THSD4: variants seen among roughly 807,000 people sequenced by gnomAD.
The protein encoded by THSD4 is thrombospondin type-1 domain-containing protein 4.
A neutral mutation model predicts 119.0 loss-of-function variants in THSD4; 69 were observed. The observed-to-expected ratio is 0.58, with a 90% confidence interval of 0.48 to 0.71. The LOEUF (loss-of-function observed/expected upper bound fraction) is 0.71. THSD4 is among the 30% of genes least tolerant of loss of function. The pLI, the probability that THSD4 is intolerant of heterozygous loss-of-function variation, is 0.00. For synonymous variants in THSD4, 524 were observed against 540.4 expected, an observed-to-expected ratio of 0.97 and a Z score of 0.42; for missense variants, 1,393 against 1,391.1, an observed-to-expected ratio of 1.00 and a Z score of -0.02.
chr15:71,290,712 A>G (rs1363810063), intron 6 of THSD4, among the ~76,000 whole-genome samples: 1 of 152,198 alleles, frequency 6.6e-6, no homozygotes, highest in African/African-American at 2.4e-5. Flanking sequence ...AACCCATAAG[A>G]CACTCAACTG....
At chr15:71,254,396 G>A (rs561891858) in intron 5 of THSD4, among the ~76,000 whole-genome samples, 1 of 152,258 alleles carries the variant, frequency 6.6e-6, no homozygotes, top group Admixed American at 6.5e-5. Flanking sequence ...GTGATTCCAC[G>A]TTAAGTCATT....
chr15:71,695,502 A>ATGTGTGTGTGTGTGTG (rs3086738), intron 8 of THSD4, among the ~76,000 whole-genome samples: 131 of 144,124 alleles, frequency 9.1e-4, no homozygotes, highest in African/African-American at 2.9e-3. Flanking sequence ...GTGTGTGTGC[A>ATGTGTGTGTGTGTGTG]TGTGTGTGTG....
chr15:71,134,418 G>A (rs1039245125), intron 1 of THSD4, among the ~76,000 whole-genome samples: 1 of 152,238 alleles, frequency 6.6e-6, no homozygotes, highest in Non-Finnish European at 1.5e-5. Context: ...CGCCTTCAGC[G>A]CCTTCATTCT....
At chr15:71,571,507 G>A (rs1421224154) in intron 7 of THSD4, among the ~76,000 whole-genome samples, 2 of 152,148 alleles carry the variant, frequency 1.3e-5, no homozygotes, top group East Asian at 3.9e-4. Flanking sequence ...ATTTCAAAAT[G>A]TGATTTCCAT....
At chr15:71,774,889 G>A (rs1320255406) in intron 17 of THSD4, among the ~76,000 whole-genome samples, 1 of 152,216 alleles carries the variant, frequency 6.6e-6, no homozygotes, top group African/African-American at 2.4e-5. Context: ...ACTCACACCT[G>A]TAATCCCAGC....
intron 4 of THSD4, among the ~76,000 whole-genome samples, chr15:71,233,956 T>G (rs940039259): frequency 6.6e-6 from 1 of 152,224 alleles, no homozygotes; most frequent in African/African-American, 2.4e-5. Flanking sequence ...GGGGCTCCTG[T>G]GCAGGCTTGG....
chr15:71,732,939 C>T (rs1222458507), intron 10 of THSD4: 1 of 152,198 alleles, frequency 6.6e-6, no homozygotes, highest in African/African-American at 2.4e-5. Context: ...GGTGCATCCC[C>T]AGAACATGGG....
At chr15:71,422,829 G>A (rs2046825108) in intron 7 of THSD4, among the ~76,000 whole-genome samples, 1 of 152,122 alleles carries the variant, frequency 6.6e-6, no homozygotes, top group Admixed American at 6.5e-5. Context: ...CGGGAGCCAG[G>A]GCCTGGAGTC....
chr15:71,321,408 C>A (rs145428114), intron 6 of THSD4, among the ~76,000 whole-genome samples: 1 of 151,994 alleles, frequency 6.6e-6, no homozygotes, highest in Non-Finnish European at 1.5e-5. Flanking sequence ...TGGTGGCAGG[C>A]GCCTGTAATT....
chr15:71,433,735 A>G (rs998140857), intron 7 of THSD4, among the ~76,000 whole-genome samples: 9 of 152,008 alleles, frequency 5.9e-5, no homozygotes, highest in Non-Finnish European at 1.2e-4. Context: ...CCTTCCCAAC[A>G]TGGCCAGGAG....
intron 7 of THSD4, among the ~76,000 whole-genome samples, chr15:71,532,287 T>TGA (rs1392030757): frequency 6.4e-5 from 4 of 62,110 alleles, no homozygotes; most frequent in African/African-American, 2.4e-4. Context: ...AGAGAGAGTG[T>TGA]GTGTGTGTGT....
chr15:71,622,618 A>G (rs1254789848), intron 7 of THSD4, among the ~76,000 whole-genome samples: 3 of 152,198 alleles, frequency 2.0e-5, no homozygotes, highest in Admixed American at 2.0e-4. Context: ...AAGATGTTCA[A>G]TCTACTTTTT....
At chr15:71,765,315 A>C in intron 16 of THSD4, 116 bp downstream of exon 16, 1 of 1,269,434 alleles carries the variant, frequency 7.9e-7, no homozygotes, top group Non-Finnish European at 1.1e-6. Context: ...TCCCTACAGC[A>C]ATCTACCTTA....
chr15:71,468,793 C>A (rs547987673), intron 7 of THSD4, among the ~76,000 whole-genome samples: 1 of 152,328 alleles, frequency 6.6e-6, no homozygotes, highest in South Asian at 2.1e-4. Flanking sequence ...TCTAAAGTGA[C>A]TGCTGCAGCT....
At chr15:71,261,945 T>C (rs1047528002) in intron 6 of THSD4, among the ~76,000 whole-genome samples, 2 of 152,208 alleles carry the variant, frequency 1.3e-5, no homozygotes, top group African/African-American at 4.8e-5. Context: ...GCTGCTAAGA[T>C]TGTTTTCTTG....
At chr15:71,173,207 A>G (rs2043400529) in intron 3 of THSD4, among the ~76,000 whole-genome samples, 1 of 152,176 alleles carries the variant, frequency 6.6e-6, no homozygotes, top group African/African-American at 2.4e-5. Context: ...GCAAAAATCA[A>G]TTGCATTTCT....
chr15:71,508,492 C>T (rs13379853), intron 7 of THSD4, among the ~76,000 whole-genome samples: 3,252 of 152,164 alleles, frequency 0.021, 126 homozygotes, highest in African/African-American at 0.074. Flanking sequence ...AGGCAAGGGC[C>T]AAAGTCACCG....
chr15:71,285,630 T>C (rs7163592), intron 6 of THSD4, among the ~76,000 whole-genome samples: 59,406 of 151,810 alleles, frequency 0.39, 11,976 homozygotes, highest in Middle Eastern at 0.54. Context: ...CCAAGGTGGG[T>C]GGATCACTAG....
chr15:71,333,862 G>A (rs929127872), intron 6 of THSD4, among the ~76,000 whole-genome samples: 5 of 152,192 alleles, frequency 3.3e-5, no homozygotes, highest in Non-Finnish European at 7.3e-5. Context: ...TCGTTGACAA[G>A]ATAATGCTAC....
Sources: gnomAD v4.1 joint callset for allele counts (sites outside exome capture counted in the v4.1 genomes callset) on GRCh38, gnomAD v4.1.1 for gene constraint, MANE v1.5 for transcripts, NCBI Gene and HGNC (gene_info 2026-07-23, HGNC 2026-07-21) for gene names.